The following ACMSD variants were observed in gnomAD, a reference collection of about 807,000 sequenced individuals.
ACMSD encodes 2-amino-3-carboxymuconate-6-semialdehyde decarboxylase.
In ACMSD, 37 loss-of-function variants were observed where a neutral mutation model predicts 45.9. The ratio of observed to expected loss-of-function variants is 0.81; its 90% CI spans 0.62 to 1.06. The LOEUF (loss-of-function observed/expected upper bound fraction) is 1.06. Ranked by LOEUF, ACMSD falls within the 50% of genes least tolerant of loss-of-function variation. The probability of loss-of-function intolerance (pLI) is 0.00; values close to 1 mark genes in which losing one functional copy is unlikely to be tolerated. For missense variants in ACMSD, 434 were observed against 420.9 expected (o/e 1.03, Z -0.27); for synonymous variants, 138 against 148.8 (o/e 0.93, Z 0.53).
chr2:134,885,666 T>C (rs1339688190), intron 8 of ACMSD, among the ~76,000 whole-genome samples: 1 of 151,540 alleles, frequency 6.6e-6, no homozygotes, highest in African/African-American at 2.4e-5. Flanking sequence ...ACACATTTTA[T>C]AGAGAAAAAA....
At chr2:134,896,564 A>G (rs991195635) in intron 8 of ACMSD, among the ~76,000 whole-genome samples, 3 of 152,216 alleles carry the variant, frequency 2.0e-5, no homozygotes, top group Non-Finnish European at 4.4e-5. Flanking sequence ...GTTCAACATA[A>G]TTACTTATTA....
In ACMSD at chr2:134,870,173, G is replaced by A. The variant is rs537875292; in HGVS notation, c.581-792G>A. ...CGGTCAGATTTCTGAGTCATGGTCT[G>A]AAAAGCAGTCAATGGCAATGTAGCT... is the stretch of plus-strand genomic sequence containing the variant. On this transcript the variant is annotated intron_variant, in intron 6 of 9. Transcript: ENST00000356140. 2.6e-5 allele frequency among the ~76,000 whole-genome samples: 4 copies of A among 152,328 alleles called. No homozygotes were observed. The East Asian group carries it at 7.7e-4, about 29-fold the overall frequency.
chr2:134,889,804 A>G (rs1689673044), intron 8 of ACMSD, among the ~76,000 whole-genome samples: 1 of 152,102 alleles, frequency 6.6e-6, no homozygotes, highest in African/African-American at 2.4e-5. Context: ...GAGGTGATTC[A>G]CATTGAGCAA....
chr2:134,891,084 T>C (rs1689757138), intron 8 of ACMSD, among the ~76,000 whole-genome samples: 2 of 152,074 alleles, frequency 1.3e-5, no homozygotes, highest in African/African-American at 4.8e-5. Context: ...ATACTGCAGG[T>C]TGTCTTTTCA....
intron 5 of ACMSD, among the ~76,000 whole-genome samples, chr2:134,866,894 C>G (rs1688124903): frequency 6.6e-6 from 1 of 152,160 alleles, no homozygotes; most frequent in South Asian, 2.1e-4. Context: ...AGGCACTGAC[C>G]TCTTCCATTT....
At chr2:134,886,280 G>A (rs1398091043) in intron 8 of ACMSD, among the ~76,000 whole-genome samples, 1 of 113,572 alleles carries the variant, frequency 8.8e-6, no homozygotes, top group South Asian at 2.6e-4. Context: ...GCAGAGTCTC[G>A]CTCTGCCGCC....
chr2:134,860,856 C>CAAA (rs60233157), intron 3 of ACMSD, among the ~76,000 whole-genome samples: 1,065 of 71,418 alleles, frequency 0.015, 66 homozygotes, highest in East Asian at 0.1. Context: ...CCTGTCTCCA[C>CAAA]AAAAAAAAAA....
chr2:134,885,645 CCTT>C (rs1274121682), intron 8 of ACMSD, among the ~76,000 whole-genome samples: 1 of 150,572 alleles, frequency 6.6e-6, no homozygotes, highest in African/African-American at 2.4e-5. Context: ...TTCAAAGAAT[CCTT>C]CTTACAAACA....
At chr2:134,867,741 T>TCCATGGGCCGTGGTCCCTCATCCGTAAA in intron 6 of ACMSD, 69 bp downstream of exon 6, 1 of 1,280,678 alleles carries the variant, frequency 7.8e-7, no homozygotes. Context: ...TATGGAAACC[T>TCCATGGGCCGTGGTCCCTCATCCGTAAA]ATTATGTCAA....
intron 1 of ACMSD, among the ~76,000 whole-genome samples, chr2:134,843,515 A>G (rs1686903822): frequency 6.6e-6 from 1 of 152,144 alleles, no homozygotes; most frequent in Admixed American, 6.6e-5. Context: ...CCAGGCCCAG[A>G]CCTTCCCCTC....
chr2:134,882,020 A>C (rs938373745), intron 8 of ACMSD, among the ~76,000 whole-genome samples: 2 of 152,124 alleles, frequency 1.3e-5, no homozygotes, highest in African/African-American at 4.8e-5. Flanking sequence ...CGGGAGGCTG[A>C]GGCATGAGAA....
intron 9 of ACMSD, among the ~76,000 whole-genome samples, chr2:134,899,587 T>C (rs1339635855): frequency 6.6e-6 from 1 of 152,108 alleles, no homozygotes; most frequent in Non-Finnish European, 1.5e-5. Context: ...AATGGAATAA[T>C]AGTAATTATT....
intron 5 of ACMSD, among the ~76,000 whole-genome samples, chr2:134,863,938 C>T (rs1049505854): frequency 2.6e-5 from 4 of 152,064 alleles, no homozygotes; most frequent in African/African-American, 9.7e-5. Context: ...TTTACAGCCA[C>T]TGTGCAAAAG....
chr2:134,861,807 C>A (rs747349643), intron 3 of ACMSD, among the ~76,000 whole-genome samples, 162 bp from the exon 4 acceptor site: 3 of 151,006 alleles, frequency 2.0e-5, no homozygotes, highest in Non-Finnish European at 2.9e-5. Flanking sequence ...GAATCTGGGG[C>A]TGGGGGCTGA....
chr2:134,851,646 T>C (rs972125375), intron 2 of ACMSD, among the ~76,000 whole-genome samples: 1 of 152,218 alleles, frequency 6.6e-6, no homozygotes, highest in African/African-American at 2.4e-5. Context: ...TTTCACCATG[T>C]TGGCCAGAAT....
At chr2:134,885,387 T>C (rs2104930217) in intron 8 of ACMSD, among the ~76,000 whole-genome samples, 1 of 104,068 alleles carries the variant, frequency 9.6e-6, no homozygotes, top group East Asian at 2.6e-4. Context: ...AATATATATG[T>C]AAATATATAT....
intron 8 of ACMSD, among the ~76,000 whole-genome samples, chr2:134,886,577 A>C (rs1689472184): frequency 6.6e-6 from 1 of 152,096 alleles, no homozygotes; most frequent in Non-Finnish European, 1.5e-5. Flanking sequence ...AAAACTCAGC[A>C]ACTAAGAATA....
intron 8 of ACMSD, among the ~76,000 whole-genome samples, chr2:134,896,955 GA>G (rs1690187916): frequency 1.3e-5 from 2 of 152,132 alleles, no homozygotes. Flanking sequence ...AGGGAGAAAA[GA>G]ATGGGGAGTC....
intron 2 of ACMSD, among the ~76,000 whole-genome samples, chr2:134,856,882 T>TTGTGGTTTACATGAAATG (rs1687605598): frequency 6.7e-6 from 1 of 149,790 alleles, no homozygotes; most frequent in Non-Finnish European, 1.5e-5. Flanking sequence ...TTGAGATCTT[T>TTGTGGTTTACATGAAATG]TGTGGTTTAC....
Sources: allele counts gnomAD v4.1 joint callset (sites outside exome capture counted in the v4.1 genomes callset), GRCh38; gene constraint gnomAD v4.1.1; transcripts MANE v1.5; gene names NCBI Gene and HGNC (gene_info 2026-07-23, HGNC 2026-07-21).